ANKRD35: variants seen among roughly 807,000 people sequenced by gnomAD.
The protein encoded by ANKRD35 is ankyrin repeat domain 35.
In ANKRD35, 102 loss-of-function variants were observed where a neutral mutation model predicts 109.9. The observed-to-expected ratio is 0.93, with a 90% CI of 0.79 to 1.09. ANKRD35 has a LOEUF of 1.09. Ranked by LOEUF, ANKRD35 falls within the 50% of genes least tolerant of loss-of-function variation. The pLI is 0.00. For synonymous variants in ANKRD35, 515 were observed against 512.4 expected, an observed-to-expected ratio of 1.01 and a Z score of -0.07; for missense variants, 1,240 against 1,230.1, an observed-to-expected ratio of 1.01 and a Z score of -0.12.
chr1:145,882,942 A>G (rs1223250487), intron 1 of ANKRD35, among the ~76,000 whole-genome samples: 3 of 152,196 alleles, frequency 2.0e-5, no homozygotes, highest in African/African-American at 7.2e-5. Flanking sequence ...TGTACCTATA[A>G]GCATCCTACA....
rs1408903597 is a variant in ANKRD35 at position 145,872,531 on chromosome 1, C to A, written c.2238G>T (p.Val746=). The A allele has an allele frequency of 6.2e-7, 1 of 1,606,188 alleles. No individual in the cohort carries two copies. Among genetic ancestry groups the A allele is most frequent in the Admixed American group, 1.7e-5 (1 of 58,366 alleles). ...LVDRHREAQQ[V]LARLQEENQQ... is the part of the protein sequence containing the mutation. The stretch of plus-strand genomic sequence containing the variant: ...GGTTTTCTTCTTGCAGCCGAGCCAG[C>A]ACCTGCTGGGCCTCCCGGTGCCGAT... The change falls in exon 10 of 14, where the codon GTG becomes GTT. Residue 746 remains valine (V), a synonymous_variant. Coordinates refer to ENST00000355594, the MANE Select transcript of ANKRD35 (RefSeq NM_144698.5).
chr1:145,885,779 G>A lies in ANKRD35; in HGVS notation c.-21C>T, dbSNP rs1221029841. On this transcript the variant is annotated 5_prime_UTR_variant, in exon 1 of 14. Transcript: ENST00000355594. The stretch of plus-strand genomic sequence containing the variant: ...TTCATGGCCGGGGTCGGGGCCACGG[G>A]GGATGGGGACGCGCAGAGAGCCGGG... 5 of 1,595,348 alleles carry A rather than the reference G, an allele frequency of 3.1e-6. No individual in the cohort carries two copies. The highest frequency in any genetic ancestry group is 4.3e-6 in the Non-Finnish European group (5 of 1,163,248).
In ANKRD35 at chr1:145,872,251, C is replaced by G; in HGVS notation, c.2518G>C (p.Gly840Arg). The G allele has an allele frequency of 4.3e-6, 7 of 1,611,586 alleles. No individual in the cohort carries two copies. Among genetic ancestry groups the G allele is most frequent in the Non-Finnish European group, 5.9e-6 (7 of 1,178,970 alleles). ...GCCTGAGCCTGGGCCACCAGCGAAC[C>G]CCGAGTTTTCTCGTGTTGCCGTAGG... ...ASLRQHEKTRGSLVAQAQAWG... is the reference protein window; with the variant it reads ...ASLRQHEKTRRSLVAQAQAWG... The change falls in exon 10 of 14, where the codon GGT (glycine) becomes CGT (arginine). Residue 840 changes from glycine to arginine, a missense_variant. Physicochemically the swap from Gly to Arg is moderately radical, Grantham distance 125 (BLOSUM62 -2). Coordinates refer to ENST00000355594, the MANE Select transcript of ANKRD35 (RefSeq NM_144698.5).
chr1:145,879,291 CG>C lies in ANKRD35; in HGVS notation c.136del (p.Arg46AspfsTer21). On this transcript the variant is annotated frameshift_variant, in exon 2 of 14. Coordinates refer to ENST00000355594, the MANE Select transcript of ANKRD35 (RefSeq NM_144698.5). LOFTEE classifies it high-confidence loss of function. ...VAALASRKSARPTKLDSNGQS... is the reference protein window; with the variant it reads ...VAALASRKSAXPTKLDSNGQS... The stretch of plus-strand genomic sequence containing the variant: ...GCCATTCGAGTCAAGCTTGGTGGGT[CG>C]GGCAGATTTCCTGGAGGCCAGGGCA... 5 of 1,611,242 alleles carry C rather than the reference CG, an allele frequency of 3.1e-6. No individual in the cohort carries two copies. The highest frequency in any genetic ancestry group is 4.2e-6 in the Non-Finnish European group (5 of 1,178,834).
chr1:145,885,815 C>G lies in ANKRD35; in HGVS notation c.-57G>C. 1 of 1,351,350 alleles carries G rather than the reference C, an allele frequency of 7.4e-7. No individual in the cohort carries two copies. 83.7% of individuals were successfully genotyped at this position (1,351,350 alleles called of 1,614,324 possible). ...GCGCAGAGAGCCGGGCCACAGGTTC[C>G]CGAACCCACCGGACTTGGCTGCGGC... On this transcript the variant is annotated 5_prime_UTR_variant, in exon 1 of 14. Coordinates refer to ENST00000355594, the MANE Select transcript of ANKRD35 (RefSeq NM_144698.5).
intron 1 of ANKRD35, among the ~76,000 whole-genome samples, chr1:145,881,107 G>A (rs1654269248): frequency 6.6e-6 from 1 of 152,160 alleles, no homozygotes; most frequent in African/African-American, 2.4e-5. Flanking sequence ...CCAACATGGT[G>A]AAACCCCGTC....
Position 145,873,126 on chromosome 1 carries a change from A to G in ANKRD35, c.1643T>C (p.Leu548Pro), listed in dbSNP as rs1553739244. The G allele has an allele frequency of 2.5e-6, 4 of 1,613,960 alleles. No homozygotes were observed. The highest frequency in any genetic ancestry group is 4.5e-5 in the East Asian group (2 of 44,860). Residue 548 changes from leucine (L) to proline (P), a missense_variant, in exon 10 of 14, where the codon CTG becomes CCG. Transcript: ENST00000355594. ...CTGTAGTCCTGCCTTTGCCCATTCCAGCCTTGCCAGCACCCGCTCCAGTCG... is the reference window on the plus strand; with the variant it reads ...CTGTAGTCCTGCCTTTGCCCATTCCGGCCTTGCCAGCACCCGCTCCAGTCG... ...EARLERVLARLEWAKAGLQVK... is the reference protein window; with the variant it reads ...EARLERVLARPEWAKAGLQVK...
chr1:145,884,007 C>T (rs973287099), intron 1 of ANKRD35, among the ~76,000 whole-genome samples: 1 of 152,152 alleles, frequency 6.6e-6, no homozygotes. Flanking sequence ...CAGCTAGAAT[C>T]AAGGAGGACA....
At chr1:145,867,901 G>A in intron 12 of ANKRD35, 90 bp downstream of exon 12, 1 of 1,287,806 alleles carries the variant, frequency 7.8e-7, no homozygotes, top group South Asian at 1.2e-5. Flanking sequence ...AGTGTGTACA[G>A]GGACCCTGGA....
intron 9 of ANKRD35, 82 bp from the exon 10 acceptor site, chr1:145,874,067 T>C: frequency 1.2e-6 from 2 of 1,611,414 alleles, no homozygotes; most frequent in South Asian, 1.1e-5. Context: ...CTTAAATGTC[T>C]TGACACCCCA....
At chr1:145,883,596 C>T (rs1442362938) in intron 1 of ANKRD35, among the ~76,000 whole-genome samples, 1 of 152,204 alleles carries the variant, frequency 6.6e-6, no homozygotes, top group Non-Finnish European at 1.5e-5. Flanking sequence ...TCAGTCCTTA[C>T]TCAGACTGAC....
intron 1 of ANKRD35, 64 bp downstream of exon 1, chr1:145,885,656 A>G: frequency 6.4e-7 from 1 of 1,557,508 alleles, no homozygotes; most frequent in East Asian, 2.2e-5. Context: ...AGACGGGACT[A>G]AAGACTTCTG....
At position 145,873,530 on chromosome 1, in the gene ANKRD35, C is replaced by A; in HGVS notation, c.1239G>T (p.Gln413His). ...GTTGGGACCTTCCATGGACTTCATACTGGATCTTTCCTGGGGCTGAGTCCT... is the reference window on the plus strand; with the variant it reads ...GTTGGGACCTTCCATGGACTTCATAATGGATCTTTCCTGGGGCTGAGTCCT... Reference protein sequence around the residue: ...KAEDSAPGKIQYEVHGRSQPE... With the variant: ...KAEDSAPGKIHYEVHGRSQPE... The change falls in exon 10 of 14, where the codon CAG becomes CAT. Residue 413 changes from glutamine (Q) to histidine (H), a missense_variant. Physicochemically the swap from Gln to His is conservative, Grantham distance 24. Transcript: ENST00000355594. The A allele has an allele frequency of 6.2e-7, 1 of 1,614,016 alleles. No homozygotes were observed.
At chr1:145,881,303 A>C (rs1654277036) in intron 1 of ANKRD35, among the ~76,000 whole-genome samples, 1 of 152,122 alleles carries the variant, frequency 6.6e-6, no homozygotes, top group African/African-American at 2.4e-5. Context: ...CAAACAAACA[A>C]AAAAAGAACC....
At chr1:145,884,629 T>C (rs1415024993) in intron 1 of ANKRD35, among the ~76,000 whole-genome samples, 4 of 151,294 alleles carry the variant, frequency 2.6e-5, no homozygotes, top group Admixed American at 2.6e-4. Flanking sequence ...CCACCTTCTA[T>C]AATCTTATGT....
In ANKRD35 at chr1:145,872,599, C is replaced by A. The variant is rs782736485; in HGVS notation, c.2170G>T (p.Glu724Ter). The change falls in exon 10 of 14, where the codon GAG (glutamate) becomes TAG (stop). Residue 724 changes from glutamate to a stop codon, truncating the protein, a stop_gained. Coordinates refer to ENST00000355594, the MANE Select transcript of ANKRD35 (RefSeq NM_144698.5). LOFTEE classifies it high-confidence loss of function. The part of the protein sequence containing the change: ...GERSAQSKAA[E>*]SLEELRACIS... ...CAGGCCCGCAGCTCCTCCAGGGACT[C>A]CGCTGCTTTGCTTTGTGCACTCCTC... 5.0e-6 allele frequency: 8 copies of A among 1,613,366 alleles called. No homozygotes were observed. The South Asian group carries it at 7.7e-5, about 16-fold the overall frequency.
chr1:145,878,372 AG>A lies in ANKRD35; in HGVS notation c.259+18del. On this transcript the variant is annotated intron_variant, in intron 3 of 13. Coordinates refer to ENST00000355594, the MANE Select transcript of ANKRD35 (RefSeq NM_144698.5). ...CAGGGGCAAGCAAGCAGCGTGGCCC[AG>A]TGCTCCGGCTCACTCACCATCCTCA... The A allele has an allele frequency of 6.4e-7, 1 of 1,557,164 alleles. No individual in the cohort carries two copies.
chr1:145,878,311 A>G, intron 3 of ANKRD35, 80 bp downstream of exon 3: 1 of 1,401,628 alleles, frequency 7.1e-7, no homozygotes, highest in Non-Finnish European at 9.9e-7. Flanking sequence ...AGGAATGTCC[A>G]GCAGGGCCCA....
Position 145,872,540 on chromosome 1 carries a change from GGCCTCCCGGTGCCGATCCA to G in ANKRD35, c.2210_2228del (p.Val737AlafsTer29). The G allele has an allele frequency of 6.2e-7, 1 of 1,607,378 alleles. No homozygotes were observed. On this transcript the variant is annotated frameshift_variant, in exon 10 of 14. Coordinates refer to ENST00000355594, the MANE Select transcript of ANKRD35 (RefSeq NM_144698.5). LOFTEE classifies it high-confidence loss of function. ...CTTGCAGCCGAGCCAGCACCTGCTG[GGCCTCCCGGTGCCGATCCA>G]CCAGGGTGCTGATGCAGGCCCGCAG...
Sources: allele counts gnomAD v4.1 joint callset (sites outside exome capture counted in the v4.1 genomes callset), GRCh38; gene constraint gnomAD v4.1.1; transcripts MANE v1.5; gene names NCBI Gene and HGNC (gene_info 2026-07-23, HGNC 2026-07-21).